The following SYNE1 variants were observed in gnomAD, a reference collection of about 807,000 sequenced individuals.
The protein encoded by SYNE1 is spectrin repeat containing nuclear envelope protein 1.
A neutral mutation model predicts 1,111.0 loss-of-function variants in SYNE1; 616 were observed. That is an observed-to-expected ratio of 0.55 (90% CI 0.52 to 0.59). The LOEUF (loss-of-function observed/expected upper bound fraction) is 0.59. Ranked by LOEUF, SYNE1 falls within the 20% of genes least tolerant of loss-of-function variation. The probability of loss-of-function intolerance (pLI) is 0.00; values close to 1 mark genes in which losing one functional copy is unlikely to be tolerated. For synonymous variants in SYNE1, 3,855 were observed against 3,825.8 expected (o/e 1.01, Z -0.28); for missense variants, 10,006 against 10,417.0 (o/e 0.96, Z 1.72).
chr6:152,621,037 T>A (rs1393464719), intron 3 of SYNE1, among the ~76,000 whole-genome samples: 1 of 152,172 alleles, frequency 6.6e-6, no homozygotes, highest in Non-Finnish European at 1.5e-5. Flanking sequence ...AATAAAGCCT[T>A]TGCTGAGGAG....
chr6:152,603,955 T>C lies in SYNE1; in HGVS notation c.67+24310A>G, dbSNP rs185008681. ...TATGTATATAGATATACTTTCTATA[T>C]AGATATAAATATGTATATCTCTATA... On this transcript the variant is annotated intron_variant, in intron 3 of 145. Transcript: ENST00000367255. 2.9e-5 allele frequency among the ~76,000 whole-genome samples: 4 copies of C among 137,072 alleles called. No homozygotes were observed. In the East Asian group the frequency reaches 7.9e-4, roughly 27 times the overall value. 89.9% of individuals were successfully genotyped at this position (137,072 alleles called of 152,430 possible).
intron 128 of SYNE1, among the ~76,000 whole-genome samples, chr6:152,181,617 C>A (rs1172447054): frequency 6.6e-6 from 1 of 152,154 alleles, no homozygotes. Context: ...AAAGATTCAC[C>A]TATATTGTAG....
chr6:152,351,972 C>T (rs1306359604), intron 70 of SYNE1, 55 bp downstream of exon 70: 2 of 1,546,264 alleles, frequency 1.3e-6, no homozygotes, highest in Non-Finnish European at 1.8e-6. Context: ...CACCTCCCTC[C>T]CATTTGGTCT....
At chr6:152,184,209 G>A (rs2068997776) in intron 128 of SYNE1, among the ~76,000 whole-genome samples, 1 of 152,144 alleles carries the variant, frequency 6.6e-6, no homozygotes, top group Non-Finnish European at 1.5e-5. Flanking sequence ...ACTGAAGCAG[G>A]TGGATCACTT....
intron 82 of SYNE1, among the ~76,000 whole-genome samples, chr6:152,323,214 G>A (rs1275995723): frequency 1.3e-5 from 2 of 152,162 alleles, no homozygotes; most frequent in Non-Finnish European, 2.9e-5. Context: ...ACTCTGGGAG[G>A]CCGAGGCGGG....
At chr6:152,264,291 C>T (rs1002137869) in intron 100 of SYNE1, among the ~76,000 whole-genome samples, 6 of 150,126 alleles carry the variant, frequency 4.0e-5, no homozygotes, top group Non-Finnish European at 8.9e-5. Flanking sequence ...TTCTTCAGGA[C>T]CTTTGAAGTC....
rs1319773900 is a variant in SYNE1 at position 152,254,897 on chromosome 6, G to C, written c.19453C>G (p.Gln6485Glu). Residue 6485 changes from glutamine to glutamate, a missense_variant, in exon 104 of 146, where the codon CAA becomes GAA. Physicochemically the swap from Gln to Glu is conservative, Grantham distance 29. Coordinates refer to ENST00000367255, the MANE Select transcript of SYNE1 (RefSeq NM_182961.4). ...TTACTTACCTGGAAATTTAGTATTT[G>C]CTGAAGTCTTTCTTTCATCTGATGA... ...RCHQMKERLQ[Q>E]ILNFQNDLKV... 6.2e-7 allele frequency: 1 copy of C among 1,613,508 alleles called. No homozygotes were observed. Among genetic ancestry groups the C allele is most frequent in the Non-Finnish European group, 8.5e-7 (1 of 1,179,814 alleles).
At chr6:152,139,905 G>C in intron 140 of SYNE1, 45 bp downstream of exon 140, 2 of 1,576,834 alleles carry the variant, frequency 1.3e-6, no homozygotes, top group Non-Finnish European at 1.7e-6. Context: ...CGTTCACGCG[G>C]TGGCTCTCTG....
In SYNE1 at chr6:152,395,622, C is replaced by G; in HGVS notation, c.7606G>C (p.Glu2536Gln). 1 of 1,614,178 alleles carries G rather than the reference C, an allele frequency of 6.2e-7. No homozygotes were observed. The highest frequency in any genetic ancestry group is 8.5e-7 in the Non-Finnish European group (1 of 1,180,012). The part of the protein sequence containing the change: ...KLNLWIHEME[E>Q]RFNTENLGES... The stretch of plus-strand genomic sequence containing the variant: ...CCCAAGTTTTCCGTATTGAACCTTT[C>G]TTCCATTTCATGGATCCATAAGTTC... Residue 2536 changes from glutamate (E) to glutamine (Q), a missense_variant, in exon 51 of 146, where the codon GAA (glutamate) becomes CAA (glutamine). Around this residue, in one of 7 missense-constraint regions of SYNE1, gnomAD observed 4,955 missense variants for 5,017.2 expected, o/e 0.99. Coordinates refer to ENST00000367255, the MANE Select transcript of SYNE1 (RefSeq NM_182961.4).
chr6:152,145,239 G>A, intron 137 of SYNE1: 1 of 539,504 alleles, frequency 1.9e-6, no homozygotes, highest in South Asian at 2.0e-5. Context: ...GGACATGAGA[G>A]GTCTATACCT....
In SYNE1 at chr6:152,236,087, C is replaced by G. The variant is rs1251798351; in HGVS notation, c.20396+20G>C. On this transcript the variant is annotated intron_variant, in intron 110 of 145. Coordinates refer to ENST00000367255, the MANE Select transcript of SYNE1 (RefSeq NM_182961.4). ...AATGCAGCACTTATCTAAAAATATA[C>G]AAAACAGTCATTGTATTACCTGGTC... The G allele has an allele frequency of 1.9e-6, 3 of 1,611,928 alleles. No homozygotes were observed. The South Asian group carries it at 3.3e-5, about 18-fold the overall frequency.
chr6:152,380,885 ACTT>A, intron 56 of SYNE1, 118 bp downstream of exon 56: 1 of 925,936 alleles, frequency 1.1e-6, no homozygotes, highest in Non-Finnish European at 1.8e-6. Context: ...TGAGATAAAT[ACTT>A]CTTCCAAGTG....
In SYNE1 at chr6:152,148,429, C is replaced by T. The variant is rs1005714053; in HGVS notation, c.24643-51G>A. On this transcript the variant is annotated intron_variant, in intron 136 of 145. Transcript: ENST00000367255. This position sits in a 1 kb window ranked among gnomAD's most constrained non-coding sequence, Gnocchi z 4.1. The stretch of plus-strand genomic sequence containing the variant: ...GTCACTGTAGTGGTCAGACTAGCTT[C>T]TTATCTGGGCCACCTGCCTACCATG... 5.8e-6 allele frequency: 9 copies of T among 1,562,846 alleles called. No homozygotes were observed. Among genetic ancestry groups the T allele is most frequent in the Non-Finnish European group, 7.9e-6 (9 of 1,145,612 alleles).
At chr6:152,479,176 T>C (rs1268728696) in intron 14 of SYNE1, among the ~76,000 whole-genome samples, 1 of 152,080 alleles carries the variant, frequency 6.6e-6, no homozygotes, top group African/African-American at 2.4e-5. Flanking sequence ...GGGTTGGGTG[T>C]AGGACAGGAT....
At chr6:152,376,314 CT>C in intron 58 of SYNE1, 66 bp downstream of exon 58, 1 of 1,577,656 alleles carries the variant, frequency 6.3e-7, no homozygotes, top group Non-Finnish European at 8.7e-7. Context: ...GATGGGGACC[CT>C]TGATTTAGAG....
chr6:152,201,254 AG>A (rs2075359551), intron 127 of SYNE1, among the ~76,000 whole-genome samples: 1 of 133,252 alleles, frequency 7.5e-6, no homozygotes, highest in Non-Finnish European at 1.7e-5. Context: ...CTCATAATCC[AG>A]GGAGTGATCT....
Position 152,122,687 on chromosome 6 carries a change from A to G in SYNE1, c.26154-11T>C. Reference sequence around the variant, plus strand: ...CCACCTTTTGTGGACCTGAGAGAAGAATGGACATAAATTACTCAGATAACT... The same window carrying G: ...CCACCTTTTGTGGACCTGAGAGAAGGATGGACATAAATTACTCAGATAACT... On this transcript the variant is annotated splice_polypyrimidine_tract_variant and intron_variant, in intron 145 of 145. Transcript: ENST00000367255. 6.2e-7 allele frequency: 1 copy of G among 1,613,652 alleles called. No individual in the cohort carries two copies. Among genetic ancestry groups the G allele is most frequent in the Non-Finnish European group, 8.5e-7 (1 of 1,179,860 alleles).
intron 92 of SYNE1, 86 bp from the exon 93 acceptor site, chr6:152,300,867 G>T: frequency 6.3e-7 from 1 of 1,593,464 alleles, no homozygotes; most frequent in Non-Finnish European, 8.6e-7. Context: ...CCAAAACAGA[G>T]TTAATTATAA....
In SYNE1 at chr6:152,339,175, A is replaced by G. The variant is rs4870095; in HGVS notation, c.12351+66T>C. ...AAGAGCTATTTTCTTTCAATCTCAC[A>G]TGAAACATTCAAGCAAGAGAATATA... On this transcript the variant is annotated intron_variant, in intron 75 of 145. Coordinates refer to ENST00000367255, the MANE Select transcript of SYNE1 (RefSeq NM_182961.4). The G allele has an allele frequency of 0.31, 499,181 of 1,591,914 alleles. 84,549 individuals are homozygous for G. Among genetic ancestry groups the G allele is most frequent in the Admixed American group, 0.37 (22,215 of 59,320 alleles).
Sources: allele counts gnomAD v4.1 joint callset (sites outside exome capture counted in the v4.1 genomes callset), GRCh38; gene constraint gnomAD v4.1.1; regional missense constraint gnomAD v4.1.1; non-coding constraint Gnocchi (gnomAD v3.1); transcripts MANE v1.5; gene names NCBI Gene and HGNC (gene_info 2026-07-23, HGNC 2026-07-21).